Variants in ELOVL2 observed in about 807,000 individuals in gnomAD.
ELOVL2 encodes the protein ELOVL fatty acid elongase 2.
Under a neutral mutation model 37.7 loss-of-function variants are expected in ELOVL2, and 38 were observed. That is an observed-to-expected ratio of 1.01 (90% CI 0.78 to 1.32). The LOEUF is 1.32. ELOVL2 is among the 40% of genes most tolerant of loss of function. ELOVL2 has a pLI of 0.00. For missense variants in ELOVL2, 352 were observed against 363.6 expected, an observed-to-expected ratio of 0.97 and a Z score of 0.26; for synonymous variants, 115 against 122.3, an observed-to-expected ratio of 0.94 and a Z score of 0.40.
chr6:11,034,207 T>C (rs1010224206), intron 1 of ELOVL2, among the ~76,000 whole-genome samples: 2 of 152,188 alleles, frequency 1.3e-5, no homozygotes, highest in African/African-American at 2.4e-5. Context: ...GAAAATAAGA[T>C]TAAACTTCCT....
At chr6:11,013,159 TC>T (rs1782612309) in intron 1 of ELOVL2, among the ~76,000 whole-genome samples, 1 of 152,216 alleles carries the variant, frequency 6.6e-6, no homozygotes, top group African/African-American at 2.4e-5. Context: ...TAGTGACCTA[TC>T]TGACAGAGAG....
intron 1 of ELOVL2, among the ~76,000 whole-genome samples, chr6:11,040,384 G>A (rs529883277): frequency 1.3e-5 from 2 of 152,094 alleles, no homozygotes; most frequent in African/African-American, 4.8e-5. Context: ...GCTGAAATAC[G>A]GCTAGCCTGA....
At chr6:10,997,375 GC>G (rs1782288372) in intron 4 of ELOVL2, among the ~76,000 whole-genome samples, 1 of 151,900 alleles carries the variant, frequency 6.6e-6, no homozygotes, top group African/African-American at 2.4e-5. Flanking sequence ...TCTTCTAATG[GC>G]CCAATCCATG....
intron 5 of ELOVL2, among the ~76,000 whole-genome samples, chr6:10,994,319 T>C (rs892622795): frequency 1.3e-5 from 2 of 151,388 alleles, no homozygotes; most frequent in African/African-American, 4.9e-5. Context: ...ATACAAAAAA[T>C]TAGCTGGGCG....
chr6:11,037,539 TAAA>T (rs35799154), intron 1 of ELOVL2, among the ~76,000 whole-genome samples: 343 of 138,984 alleles, frequency 2.5e-3, no homozygotes, highest in Non-Finnish European at 4.0e-3. Flanking sequence ...CTCGTTCTAC[TAAA>T]AAAAAAAAAA....
chr6:10,990,274 T>A (rs1459224448), intron 6 of ELOVL2, 44 bp downstream of exon 6: 1 of 1,595,556 alleles, frequency 6.3e-7, no homozygotes, highest in Non-Finnish European at 8.5e-7. Flanking sequence ...CCTTTCCCCA[T>A]CCATAAGCCA....
At chr6:11,029,980 AG>A (rs978168361) in intron 1 of ELOVL2, among the ~76,000 whole-genome samples, 5 of 152,302 alleles carry the variant, frequency 3.3e-5, no homozygotes, top group African/African-American at 1.2e-4. Context: ...ACCAACTCCC[AG>A]GGTTGCTGTG....
At chr6:11,039,313 T>G (rs1783063554) in intron 1 of ELOVL2, among the ~76,000 whole-genome samples, 1 of 152,252 alleles carries the variant, frequency 6.6e-6, no homozygotes, top group African/African-American at 2.4e-5. Flanking sequence ...TTTCTCCCTC[T>G]GTTCACCAGG....
intron 2 of ELOVL2, among the ~76,000 whole-genome samples, chr6:11,005,904 GA>G (rs139327279): frequency 0.024 from 3,579 of 149,170 alleles, 137 homozygotes; most frequent in African/African-American, 0.082. Context: ...TTTATGGATG[GA>G]AAAAAAAACA....
intron 1 of ELOVL2, among the ~76,000 whole-genome samples, chr6:11,038,199 G>C (rs1378766457): frequency 1.3e-5 from 2 of 152,174 alleles, no homozygotes; most frequent in African/African-American, 2.4e-5. Context: ...TTCAGAAAGA[G>C]TTAAGGTGGA....
intron 1 of ELOVL2, among the ~76,000 whole-genome samples, chr6:11,014,732 C>T (rs1782643367): frequency 1.3e-5 from 2 of 152,088 alleles, no homozygotes; most frequent in Non-Finnish European, 2.9e-5. Flanking sequence ...TAAATCAAAT[C>T]CCAGAAAGCA....
At position 10,995,174 on chromosome 6, in the gene ELOVL2, G is replaced by T; in HGVS notation, c.338C>A (p.Ala113Asp). The stretch of plus-strand genomic sequence containing the variant: ...GAAATAGTACCACCAAAGCACCTTG[G>T]CTACCTATAGAAATTTGTAAAGGGG... ...TSAGEADIRV[A>D]KVLWWYYFSK... is the part of the protein sequence containing the mutation. The change falls in exon 5 of 8, where the codon GCC becomes GAC. Residue 113 changes from alanine (A) to aspartate (D), a missense_variant. Ala to Asp is a moderately radical substitution (Grantham distance 126). Coordinates refer to ENST00000354666, the MANE Select transcript of ELOVL2 (RefSeq NM_017770.4). 6.2e-7 allele frequency: 1 copy of T among 1,601,488 alleles called. No individual in the cohort carries two copies. Among genetic ancestry groups the T allele is most frequent in the Non-Finnish European group, 8.5e-7 (1 of 1,173,772 alleles).
intron 7 of ELOVL2, among the ~76,000 whole-genome samples, chr6:10,988,859 A>C (rs1238721509): frequency 1.3e-5 from 2 of 152,234 alleles, no homozygotes; most frequent in Admixed American, 1.3e-4. Context: ...CTTCCATTTA[A>C]GTTGTTAACT....
intron 4 of ELOVL2, among the ~76,000 whole-genome samples, chr6:10,999,748 C>A (rs923119085): frequency 6.6e-6 from 1 of 152,152 alleles, no homozygotes; most frequent in Non-Finnish European, 1.5e-5. Context: ...CATACACATT[C>A]ATATCATTTA....
At chr6:11,015,415 A>G (rs560218568) in intron 1 of ELOVL2, among the ~76,000 whole-genome samples, 2 of 152,288 alleles carry the variant, frequency 1.3e-5, no homozygotes, top group East Asian at 3.9e-4. Flanking sequence ...GAAGAGCCAT[A>G]TTCTGAGCAC....
chr6:10,994,904 C>T, intron 5 of ELOVL2, 103 bp downstream of exon 5: 1 of 928,158 alleles, frequency 1.1e-6, no homozygotes, highest in Non-Finnish European at 1.6e-6. Context: ...CTCTAGGCCT[C>T]CCTTCATGCT....
intron 1 of ELOVL2, among the ~76,000 whole-genome samples, chr6:11,020,784 A>G (rs1016182723): frequency 2.0e-5 from 3 of 152,234 alleles, no homozygotes; most frequent in African/African-American, 4.8e-5. Context: ...AAATTTTTAC[A>G]AAAACCAAAG....
intron 4 of ELOVL2, among the ~76,000 whole-genome samples, chr6:10,996,007 C>T: frequency 6.6e-6 from 1 of 152,148 alleles, no homozygotes; most frequent in Non-Finnish European, 1.5e-5. Context: ...GTTATTCATC[C>T]TTGCTAATGG....
chr6:11,028,947 G>T (rs1027798736), intron 1 of ELOVL2, among the ~76,000 whole-genome samples: 4 of 151,568 alleles, frequency 2.6e-5, no homozygotes, highest in African/African-American at 9.7e-5. Flanking sequence ...TCATTCATGG[G>T]GTGATTATTT....
Sources: allele counts gnomAD v4.1 joint callset (sites outside exome capture counted in the v4.1 genomes callset), GRCh38; gene constraint gnomAD v4.1.1; transcripts MANE v1.5; gene names NCBI Gene and HGNC (gene_info 2026-07-23, HGNC 2026-07-21).